Variants in TGM2 observed in about 807,000 individuals in gnomAD.
TGM2 encodes transglutaminase 2.
TGM2 carries 53 observed loss-of-function variants against 75.6 expected under a neutral mutation model. The ratio of observed to expected loss-of-function variants is 0.70; its 90% CI spans 0.56 to 0.88. The LOEUF is 0.88. Ranked by LOEUF, TGM2 falls within the 40% of genes least tolerant of loss-of-function variation. The pLI is 0.00. For synonymous variants in TGM2, 374 were observed against 381.1 expected (o/e 0.98, Z 0.22); for missense variants, 842 against 928.5 (o/e 0.91, Z 1.21).
At chr20:38,155,623 C>T (rs1366746693) in intron 3 of TGM2, among the ~76,000 whole-genome samples, 1 of 152,196 alleles carries the variant, frequency 6.6e-6, no homozygotes, top group African/African-American at 2.4e-5. Flanking sequence ...ACCGAGATTA[C>T]AGGCATGGAT....
At chr20:38,160,212 T>C (rs1322688677) in intron 2 of TGM2, among the ~76,000 whole-genome samples, 1 of 152,226 alleles carries the variant, frequency 6.6e-6, no homozygotes, top group Admixed American at 6.5e-5. Flanking sequence ...CTGCCATCTC[T>C]GCCCTCAGAG....
At position 38,131,349 on chromosome 20, in the gene TGM2, A is replaced by ACCCC. The variant is rs111895659; in HGVS notation, c.1777-124_1777-121dup. The ACCCC allele has an allele frequency of 2.4e-5, 31 of 1,312,784 alleles. No homozygotes were observed. In the African/African-American group the frequency reaches 2.7e-4, roughly 12 times the overall value. 81.3% of individuals were successfully genotyped at this position (1,312,784 alleles called of 1,614,324 possible). On this transcript the variant is annotated intron_variant, in intron 11 of 12. Transcript: ENST00000361475. ...AGCTGTACCCAGGTCTGCCACGATC[A>ACCCC]CCCCCCCTCCCCCCACCTCTGTGCC... is the stretch of plus-strand genomic sequence containing the variant.
At position 38,153,528 on chromosome 20, in the gene TGM2, A is replaced by G. The variant is rs865857241; in HGVS notation, c.433+2319T>C. On this transcript the variant is annotated intron_variant, in intron 3 of 12. Transcript: ENST00000361475. ...TGACAGAGAGAGCCTTGGTCTCAAA[A>G]AAAAGAAAAAAAAAAAAAGAATGAA... 2.7e-3 allele frequency among the ~76,000 whole-genome samples: 340 copies of G among 125,264 alleles called. 4 individuals are homozygous for G. Among genetic ancestry groups the G allele is most frequent in the African/African-American group, 0.011 (313 of 29,752 alleles). 82.2% of individuals were successfully genotyped at this position (125,264 alleles called of 152,430 possible).
rs1907771758 is a variant in TGM2 at position 38,141,339 on chromosome 20, G to T, written c.1042C>A (p.Gln348Lys). ...GCCTGCCAGCCCTCGTACCCCGGCTGCAGGTCCGGCCTGGTCATCCACGAC... is the reference window on the plus strand; with the variant it reads ...GCCTGCCAGCCCTCGTACCCCGGCTTCAGGTCCGGCCTGGTCATCCACGAC... ...VESWMTRPDLQPGYEGWQALD... is the reference protein window; with the variant it reads ...VESWMTRPDLKPGYEGWQALD... Residue 348 changes from glutamine (Q) to lysine (K), a missense_variant, in exon 8 of 13, where the codon CAG becomes AAG. Coordinates refer to ENST00000361475, the MANE Select transcript of TGM2 (RefSeq NM_004613.4). The T allele has an allele frequency of 1.3e-6, 2 of 1,591,840 alleles. No homozygotes were observed. The highest frequency in any genetic ancestry group is 8.6e-7 in the Non-Finnish European group (1 of 1,169,236).
At chr20:38,149,813 C>T (rs1424709670) in intron 4 of TGM2, among the ~76,000 whole-genome samples, 4 of 152,010 alleles carry the variant, frequency 2.6e-5, no homozygotes, top group Admixed American at 1.3e-4. Context: ...TTATGCATCA[C>T]GGTCATACCA....
In TGM2 at chr20:38,146,778, G is replaced by T; in HGVS notation, c.798C>A (p.Asn266Lys). 6.2e-7 allele frequency: 1 copy of T among 1,613,888 alleles called. No homozygotes were observed. ...CATACTTGACGCGCTGGCAGCCGTG[G>T]TTCTTCCAGCGCCGCAGGATGTCCA... ...GSVDILRRWKNHGCQRVKYGQ... is the reference protein window; with the variant it reads ...GSVDILRRWKKHGCQRVKYGQ... Residue 266 changes from asparagine to lysine, a missense_variant, in exon 6 of 13, where the codon AAC (asparagine) becomes AAA (lysine). Physicochemically the swap from Asn to Lys is moderately conservative, Grantham distance 94. Coordinates refer to ENST00000361475, the MANE Select transcript of TGM2 (RefSeq NM_004613.4).
intron 12 of TGM2, 66 bp downstream of exon 12, chr20:38,131,027 G>A: frequency 6.2e-7 from 1 of 1,603,022 alleles, no homozygotes; most frequent in Non-Finnish European, 8.5e-7. Flanking sequence ...CCTAAGGACA[G>A]TCTCTACCCC....
intron 3 of TGM2, among the ~76,000 whole-genome samples, chr20:38,153,593 G>C (rs182103152): frequency 2.0e-5 from 3 of 151,030 alleles, no homozygotes; most frequent in African/African-American, 7.3e-5. Context: ...AGAGCCTCAC[G>C]GTGTATTGTG....
chr20:38,143,261 C>T (rs1051810256), intron 6 of TGM2, among the ~76,000 whole-genome samples: 2 of 152,184 alleles, frequency 1.3e-5, no homozygotes, highest in African/African-American at 4.8e-5. Flanking sequence ...GGTCGGGAGA[C>T]CCAGCTGCTT....
At chr20:38,162,727 A>G (rs367808319) in intron 1 of TGM2, among the ~76,000 whole-genome samples, 1 of 152,202 alleles carries the variant, frequency 6.6e-6, no homozygotes, top group East Asian at 1.9e-4. Flanking sequence ...GAGAGTCCTT[A>G]TCCTTTAAAG....
Position 38,142,099 on chromosome 20 carries a change from A to G in TGM2, c.960T>C (p.Phe320=). ...NLLIEYFRNE[F]GEIQGDKSEM... Reference sequence around the variant, plus strand: ...CGCTCTTGTCACCCTGGATCTCCCCAAACTCATTGCGGAAGTACTCGATGA... The same window carrying G: ...CGCTCTTGTCACCCTGGATCTCCCCGAACTCATTGCGGAAGTACTCGATGA... Residue 320 remains phenylalanine, a synonymous_variant, in exon 7 of 13, where the codon TTT becomes TTC. Coordinates refer to ENST00000361475, the MANE Select transcript of TGM2 (RefSeq NM_004613.4). 6.2e-7 allele frequency: 1 copy of G among 1,614,038 alleles called. No individual in the cohort carries two copies. Among genetic ancestry groups the G allele is most frequent in the Non-Finnish European group, 8.5e-7 (1 of 1,180,010 alleles).
In TGM2 at chr20:38,139,438, A is replaced by G. The variant is rs772042809; in HGVS notation, c.1316T>C (p.Ile439Thr). 2 of 1,614,130 alleles carry G rather than the reference A, an allele frequency of 1.2e-6. No individual in the cohort carries two copies. The highest frequency in any genetic ancestry group is 3.3e-5 in the Admixed American group (2 of 60,018). The change falls in exon 9 of 13, where the codon ATC becomes ACC. Residue 439 changes from isoleucine (I) to threonine (T), a missense_variant. Coordinates refer to ENST00000361475, the MANE Select transcript of TGM2 (RefSeq NM_004613.4). ...KSVGRDEREDITHTYKYPEGS... is the reference protein window; with the variant it reads ...KSVGRDEREDTTHTYKYPEGS... ...CTCTGGGTATTTGTAGGTGTGGGTG[A>G]TATCCTCCCGCTCGTCTCGGCCCAC...
chr20:38,139,322 A>AAC (rs1289883862), intron 9 of TGM2, 90 bp downstream of exon 9: 1 of 1,596,356 alleles, frequency 6.3e-7, no homozygotes, highest in Admixed American at 1.7e-5. Context: ...TACCAATTAA[A>AAC]ACACACGCAC....
chr20:38,131,054 C>T (rs769325639), intron 12 of TGM2, 39 bp downstream of exon 12: 1 of 1,608,702 alleles, frequency 6.2e-7, no homozygotes, highest in East Asian at 2.2e-5. Context: ...CATCTGCCCG[C>T]TTCCCCCAGG....
intron 1 of TGM2, among the ~76,000 whole-genome samples, chr20:38,164,120 TG>T (rs1431907150): frequency 6.6e-6 from 1 of 152,028 alleles, no homozygotes; most frequent in Non-Finnish European, 1.5e-5. Flanking sequence ...CTTTTGAGCA[TG>T]GGGGTGAGAA....
intron 3 of TGM2, 75 bp downstream of exon 3, chr20:38,155,772 C>T: frequency 2.0e-6 from 3 of 1,524,950 alleles, no homozygotes; most frequent in Non-Finnish European, 2.6e-6. Flanking sequence ...GTTCTTCTCA[C>T]CTCCAGTAGC....
intron 1 of TGM2, 47 bp from the exon 2 acceptor site, chr20:38,161,646 A>AG: frequency 6.2e-7 from 1 of 1,607,356 alleles, no homozygotes; most frequent in Non-Finnish European, 8.5e-7. Context: ...CATCCTTCAG[A>AG]CCTCCAGTGA....
chr20:38,149,690 A>AAAAACAAAAAAAC (rs1555809529), intron 4 of TGM2, among the ~76,000 whole-genome samples: 7 of 149,006 alleles, frequency 4.7e-5, no homozygotes, highest in African/African-American at 1.0e-4. Flanking sequence ...AAAAAAAAAA[A>AAAAACAAAAAAAC]AAAAAAAAAA....
At chr20:38,152,597 G>A (rs905284487) in intron 3 of TGM2, among the ~76,000 whole-genome samples, 9 of 152,198 alleles carry the variant, frequency 5.9e-5, no homozygotes, top group South Asian at 4.1e-4. Context: ...TAAAGGTGGG[G>A]GCACTGGGGA....
Sources: gnomAD v4.1 joint callset for allele counts (sites outside exome capture counted in the v4.1 genomes callset) on GRCh38, gnomAD v4.1.1 for gene constraint, MANE v1.5 for transcripts, NCBI Gene and HGNC (gene_info 2026-07-23, HGNC 2026-07-21) for gene names.